The following COL13A1 variants were observed in gnomAD, a reference collection of about 807,000 sequenced individuals.
The protein encoded by COL13A1 is collagen alpha-1(XIII) chain.
COL13A1 carries 89 observed loss-of-function variants against 130.9 expected under a neutral mutation model. The ratio of observed to expected loss-of-function variants is 0.68; its 90% CI spans 0.57 to 0.81. The LOEUF (loss-of-function observed/expected upper bound fraction) is 0.81. Among genes scored for constraint, COL13A1 ranks in the 30% least tolerant of loss-of-function variants. The pLI is 0.00. For synonymous variants in COL13A1, 402 were observed against 341.6 expected (o/e 1.18, Z -1.95); for missense variants, 879 against 934.6 (o/e 0.94, Z 0.78).
At chr10:69,878,554 T>C (rs2059839499) in intron 6 of COL13A1, among the ~76,000 whole-genome samples, 1 of 152,106 alleles carries the variant, frequency 6.6e-6, no homozygotes, top group Non-Finnish European at 1.5e-5. Flanking sequence ...AGATCTCGGC[T>C]CACTGCAACC....
chr10:69,848,299 G>T (rs1853703700), intron 2 of COL13A1, among the ~76,000 whole-genome samples: 1 of 152,174 alleles, frequency 6.6e-6, no homozygotes, highest in Non-Finnish European at 1.5e-5. Flanking sequence ...ATACCTCCTG[G>T]ATGGCTTAGT....
At chr10:69,950,509 T>C (rs1204410428) in intron 38 of COL13A1, among the ~76,000 whole-genome samples, 3 of 152,148 alleles carry the variant, frequency 2.0e-5, no homozygotes, top group Non-Finnish European at 4.4e-5. Context: ...TTTGCCCGGC[T>C]TCTTCATTAG....
intron 2 of COL13A1, among the ~76,000 whole-genome samples, chr10:69,841,136 C>T (rs1318753238): frequency 6.6e-6 from 1 of 151,548 alleles, no homozygotes; most frequent in Non-Finnish European, 1.5e-5. Flanking sequence ...GGGCTCTCAT[C>T]ACCAGGCCTC....
intron 35 of COL13A1, among the ~76,000 whole-genome samples, chr10:69,941,970 C>A (rs907407686): frequency 5.3e-5 from 8 of 152,196 alleles, no homozygotes; most frequent in African/African-American, 1.9e-4. Context: ...CCACATCTGC[C>A]CATGGCCTGC....
chr10:69,928,240 C>T (rs192419365), intron 27 of COL13A1, among the ~76,000 whole-genome samples: 3 of 152,208 alleles, frequency 2.0e-5, no homozygotes, highest in Non-Finnish European at 4.4e-5. Flanking sequence ...GTGTAACTTA[C>T]ACATAAGAAA....
At chr10:69,838,668 G>A (rs897142673) in intron 2 of COL13A1, among the ~76,000 whole-genome samples, 2 of 152,232 alleles carry the variant, frequency 1.3e-5, no homozygotes, top group Non-Finnish European at 2.9e-5. Context: ...TCAGACAGGG[G>A]CTCCTCTAAG....
intron 6 of COL13A1, among the ~76,000 whole-genome samples, chr10:69,879,113 G>T (rs531371810): frequency 6.6e-6 from 1 of 152,156 alleles, no homozygotes; most frequent in African/African-American, 2.4e-5. Flanking sequence ...TCATTTACAC[G>T]AGGCACAGAG....
intron 1 of COL13A1, among the ~76,000 whole-genome samples, chr10:69,806,341 G>A (rs553558908): frequency 1.3e-5 from 2 of 152,330 alleles, no homozygotes; most frequent in East Asian, 3.9e-4. Context: ...CGTGTATGAG[G>A]CAGAAGGGAG....
chr10:69,952,452 TAATAG>T lies in COL13A1; in HGVS notation c.2059-426_2059-422del, dbSNP rs538194390. On this transcript the variant is annotated intron_variant, in intron 38 of 40. Coordinates refer to ENST00000645393, the MANE Select transcript of COL13A1 (RefSeq NM_001368882.1). The stretch of plus-strand genomic sequence containing the variant: ...CTCCAAGCAAAATCACCTTGCCTCC[TAATAG>T]AATGTCAAAAGGATAAACATTAATT... Among the ~76,000 whole-genome samples, 64 of 152,326 alleles carry T rather than the reference TAATAG, an allele frequency of 4.2e-4. 1 individual carries two copies. The highest frequency in any genetic ancestry group is 1.5e-3 in the African/African-American group (62 of 41,564).
intron 10 of COL13A1, among the ~76,000 whole-genome samples, chr10:69,891,104 C>A (rs557449880): frequency 2.0e-5 from 3 of 152,228 alleles, no homozygotes; most frequent in African/African-American, 7.2e-5. Context: ...GGGATACAGA[C>A]GGGAGCAAGA....
rs1234115748 is a variant in COL13A1, at chr10:69,925,972, T to TGCCCTCAG, written c.1398+111_1398+118dup. On this transcript the variant is annotated intron_variant, in intron 26 of 40. Coordinates refer to ENST00000645393, the MANE Select transcript of COL13A1 (RefSeq NM_001368882.1). ...CTTCCACACAGCCGAGTAGGGGCCC[T>TGCCCTCAG]GCCCTCAGGCCCTCAGGCAGCGCTT... The TGCCCTCAG allele has an allele frequency of 2.2e-5, 22 of 980,148 alleles. No homozygotes were observed. The South Asian group carries it at 2.7e-4, about 12-fold the overall frequency. 60.7% of individuals were successfully genotyped at this position (980,148 alleles called of 1,614,324 possible). A position where few individuals can be genotyped will look rare whatever the true frequency, so the allele number is the denominator to read the frequency against.
At chr10:69,850,486 C>G (rs1321695725) in intron 2 of COL13A1, among the ~76,000 whole-genome samples, 3 of 136,452 alleles carry the variant, frequency 2.2e-5, no homozygotes, top group Non-Finnish European at 4.8e-5. Context: ...GTTTCTTACC[C>G]CATGGCACAT....
At chr10:69,837,591 G>T (rs894197344) in intron 2 of COL13A1, among the ~76,000 whole-genome samples, 1 of 152,212 alleles carries the variant, frequency 6.6e-6, no homozygotes, top group Admixed American at 6.5e-5. Flanking sequence ...GATGAAGTCA[G>T]ATCCAGCCTC....
At chr10:69,803,126 T>C (rs1302667554) in intron 1 of COL13A1, among the ~76,000 whole-genome samples, 1 of 152,162 alleles carries the variant, frequency 6.6e-6, no homozygotes, top group African/African-American at 2.4e-5. Context: ...GGCCGAGGCT[T>C]ACTGAGCCCC....
At chr10:69,929,265 C>G (rs1379917409) in intron 28 of COL13A1, among the ~76,000 whole-genome samples, 7 of 151,858 alleles carry the variant, frequency 4.6e-5, no homozygotes, top group Admixed American at 3.9e-4. Flanking sequence ...TTGCCCCAAC[C>G]AGACCCACAG....
intron 35 of COL13A1, among the ~76,000 whole-genome samples, chr10:69,942,964 C>T (rs191835160): frequency 1.4e-3 from 214 of 152,370 alleles, no homozygotes; most frequent in Non-Finnish European, 1.9e-3. Flanking sequence ...TCTCCTGCCT[C>T]AGCCTCCCGA....
chr10:69,954,258 C>T (rs145114278), intron 39 of COL13A1, among the ~76,000 whole-genome samples: 1 of 152,236 alleles, frequency 6.6e-6, no homozygotes, highest in African/African-American at 2.4e-5. Context: ...TGTTTCCTGG[C>T]TTCCTGCTGC....
rs927880451 is a variant in COL13A1, at chr10:69,945,808, C to T, written c.2022+84C>T. On this transcript the variant is annotated intron_variant, in intron 37 of 40. Transcript: ENST00000645393. Reference sequence around the variant, plus strand: ...CCACGGCCGGCCGGGCATGGTGGCTCACACCTGTAATCCCAGCACTTTGGG... The same window carrying T: ...CCACGGCCGGCCGGGCATGGTGGCTTACACCTGTAATCCCAGCACTTTGGG... 24 of 1,525,356 alleles carry T rather than the reference C, an allele frequency of 1.6e-5. 1 individual carries two copies. In the South Asian group the frequency reaches 2.8e-4, roughly 17 times the overall value. 94.5% of individuals were successfully genotyped at this position (1,525,356 alleles called of 1,614,324 possible).
At chr10:69,826,910 C>A (rs1847638883) in intron 2 of COL13A1, among the ~76,000 whole-genome samples, 1 of 152,150 alleles carries the variant, frequency 6.6e-6, no homozygotes, top group Admixed American at 6.5e-5. Context: ...TGCTCAAACC[C>A]TCAAGAGCAA....
Sources: allele counts gnomAD v4.1 joint callset (sites outside exome capture counted in the v4.1 genomes callset), GRCh38; gene constraint gnomAD v4.1.1; transcripts MANE v1.5; gene names NCBI Gene and HGNC (gene_info 2026-07-23, HGNC 2026-07-21).